The following ZNF587 variants were observed in gnomAD, a reference collection of about 807,000 sequenced individuals.
ZNF587 encodes zinc finger protein zfp6.
A neutral mutation model predicts 7.5 loss-of-function variants in ZNF587; 8 were observed. The observed-to-expected ratio is 1.06, with a 90% confidence interval of 0.62 to 1.92. ZNF587 has a LOEUF of 1.92. Among genes scored for constraint, ZNF587 ranks in the 40% most tolerant of loss-of-function variants. ZNF587 has a pLI of 0.00. For synonymous variants in ZNF587, 145 were observed against 237.8 expected (o/e 0.61, Z 3.59); for missense variants, 468 against 692.8 (o/e 0.68, Z 3.64).
chr19:57,860,991 G>A lies in ZNF587; in HGVS notation c.*851G>A, dbSNP rs2071426303. 1 of 152,086 alleles carries A rather than the reference G, an allele frequency of 6.6e-6. No homozygotes were observed. Among genetic ancestry groups the A allele is most frequent in the South Asian group, 2.1e-4 (1 of 4,832 alleles). 9.4% of individuals were successfully genotyped at this position (152,086 alleles called of 1,614,324 possible). A position where few individuals can be genotyped will look rare whatever the true frequency, so the allele number is the denominator to read the frequency against. Reference sequence around the variant, plus strand: ...TTCTGCCTCAGCCTCCCGAGTAGCAGGGATTACCGGTGTGCACCACCATGC... The same window carrying A: ...TTCTGCCTCAGCCTCCCGAGTAGCAAGGATTACCGGTGTGCACCACCATGC... On this transcript the variant is annotated 3_prime_UTR_variant, in exon 3 of 3. Transcript: ENST00000339656.
chr19:57,859,942 T>C lies in ZNF587; in HGVS notation c.1530T>C (p.His510=). 1.2e-6 allele frequency: 2 copies of C among 1,614,038 alleles called. No homozygotes were observed. The highest frequency in any genetic ancestry group is 1.7e-6 in the Non-Finnish European group (2 of 1,180,002). The part of the protein sequence containing the change: ...SFLSSSALHV[H]KRVHSGQKPY... ...TTTCCAGCTCTGCGCTTCATGTTCATAAAAGAGTTCATTCTGGACAAAAGC... is the reference window on the plus strand; with the variant it reads ...TTTCCAGCTCTGCGCTTCATGTTCACAAAAGAGTTCATTCTGGACAAAAGC... Residue 510 remains histidine (H), a synonymous_variant, in exon 3 of 3, where the codon CAT becomes CAC. Transcript: ENST00000339656.
Position 57,851,490 on chromosome 19 carries a change from C to T in ZNF587, c.33+1419C>T, listed in dbSNP as rs117315219. The T allele has an allele frequency of 3.7e-3, 563 of 152,510 alleles. 23 individuals carry two copies. The East Asian group carries it at 0.091, about 25-fold the overall frequency. The allele number at this position is 152,510 out of a possible 1,614,324, so 9.4% of individuals were successfully genotyped here. A position where few individuals can be genotyped will look rare whatever the true frequency, so the allele number is the denominator to read the frequency against. ...ATTTCTTTCACTGTCATAATTTCGTCAGTTATAATTTTGCAAAGTCGGTTT... is the reference window on the plus strand; with the variant it reads ...ATTTCTTTCACTGTCATAATTTCGTTAGTTATAATTTTGCAAAGTCGGTTT... On this transcript the variant is annotated intron_variant, in intron 1 of 2. Coordinates refer to ENST00000339656, the MANE Select transcript of ZNF587 (RefSeq NM_032828.4).
chr19:57,852,840 C>CTT (rs35543941), intron 1 of ZNF587, among the ~76,000 whole-genome samples: 511 of 25,288 alleles, frequency 0.02, 195 homozygotes, highest in Middle Eastern at 0.077. Context: ...GACAGCTAGG[C>CTT]TTTTTTTTTT....
Position 57,856,205 on chromosome 19 carries a change from A to G in ZNF587, c.135A>G (p.Leu45=), listed in dbSNP as rs1229894360. ...AQRCLYRDVM[L]ENLALISSLG... is the part of the protein sequence containing the mutation. ...GGTGCTTGTACCGTGATGTGATGCT[A>G]GAGAACCTGGCTCTCATATCCTCGC... The change falls in exon 2 of 3, where the codon CTA becomes CTG. Residue 45 remains leucine, a synonymous_variant. Coordinates refer to ENST00000339656, the MANE Select transcript of ZNF587 (RefSeq NM_032828.4). 1.9e-6 allele frequency: 3 copies of G among 1,599,368 alleles called. No individual in the cohort carries two copies. Among genetic ancestry groups the G allele is most frequent in the Non-Finnish European group, 2.6e-6 (3 of 1,170,242 alleles).
At chr19:57,850,489 G>A (rs2071268032) in intron 1 of ZNF587, 3 of 495,558 alleles carry the variant, frequency 6.1e-6, no homozygotes, top group Admixed American at 3.7e-5. Context: ...TTTCTGTTCT[G>A]GGTGGGATGG....
rs1178556952 is a variant in ZNF587, at chr19:57,860,367, C to T, written c.*227C>T. On this transcript the variant is annotated 3_prime_UTR_variant, in exon 3 of 3. Coordinates refer to ENST00000339656, the MANE Select transcript of ZNF587 (RefSeq NM_032828.4). ...CGCTGCAACTTGGGCCTCCTGGGTT[C>T]ATGCAATCCTCCTACCTCAGCCTCC... is the stretch of plus-strand genomic sequence containing the variant. 2.9e-6 allele frequency: 2 copies of T among 699,464 alleles called. No homozygotes were observed. Among genetic ancestry groups the T allele is most frequent in the Non-Finnish European group, 4.7e-6 (2 of 426,794 alleles). 43.3% of individuals were successfully genotyped at this position (699,464 alleles called of 1,614,324 possible).
intron 1 of ZNF587, among the ~76,000 whole-genome samples, chr19:57,852,751 C>A (rs1383389151): frequency 6.7e-6 from 1 of 150,352 alleles, no homozygotes; most frequent in Non-Finnish European, 1.5e-5. Context: ...TGGTCTCGAA[C>A]TCCTGACCTC....
At chr19:57,856,928 C>G (rs562556924) in intron 2 of ZNF587, 1 of 152,092 alleles carries the variant, frequency 6.6e-6, no homozygotes, top group African/African-American at 2.4e-5. Flanking sequence ...CAAGAATTGC[C>G]TTCATTGACA....
intron 1 of ZNF587, among the ~76,000 whole-genome samples, chr19:57,855,051 G>C (rs529433656): frequency 1.3e-5 from 2 of 152,154 alleles, no homozygotes; most frequent in South Asian, 4.1e-4. Context: ...AGCTGTGGTG[G>C]TGGGCACCTG....
At chr19:57,855,946 C>A in intron 1 of ZNF587, 158 bp from the exon 2 acceptor site, 2 of 1,288,900 alleles carry the variant, frequency 1.6e-6, no homozygotes, top group Non-Finnish European at 1.1e-6. Flanking sequence ...GGCATTTGAC[C>A]AGCAGGCCCA....
rs1171858353 is a variant in ZNF587 at position 57,863,311 on chromosome 19, T to A, written c.*3171T>A. The A allele has an allele frequency of 1.3e-5, 2 of 152,222 alleles. No homozygotes were observed. Among genetic ancestry groups the A allele is most frequent in the African/African-American group, 4.8e-5 (2 of 41,412 alleles). 9.4% of individuals were successfully genotyped at this position (152,222 alleles called of 1,614,324 possible). ...TTTTGTATTTTTAGCAGAGACCAGG[T>A]TTCACCATGTTGGTCAGGCTGGTCT... On this transcript the variant is annotated 3_prime_UTR_variant, in exon 3 of 3. Transcript: ENST00000339656.
At chr19:57,856,443 T>C (rs1311432240) in intron 2 of ZNF587, among the ~76,000 whole-genome samples, 1 of 151,260 alleles carries the variant, frequency 6.6e-6, no homozygotes, top group Admixed American at 6.6e-5. Flanking sequence ...TGTCTCGCTC[T>C]GTCACCCAGG....
chr19:57,850,094 C>T, intron 1 of ZNF587, 23 bp downstream of exon 1: 2 of 1,614,248 alleles, frequency 1.2e-6, no homozygotes, highest in East Asian at 2.2e-5. Flanking sequence ...CCTTCTGTGC[C>T]CTCAGGTCAC....
chr19:57,849,868 T>A lies in ZNF587; in HGVS notation c.-171T>A. 6.7e-7 allele frequency: 1 copy of A among 1,489,238 alleles called. No individual in the cohort carries two copies. The highest frequency in any genetic ancestry group is 8.9e-7 in the Non-Finnish European group (1 of 1,118,736). The allele number at this position is 1,489,238 out of a possible 1,614,324, so 92.3% of individuals were successfully genotyped here. On this transcript the variant is annotated 5_prime_UTR_variant, in exon 1 of 3. Transcript: ENST00000339656. Reference sequence around the variant, plus strand: ...GACTTCCGGGGTCTCTAGTAGCGGCTGTGTATCGGCGATGCGGGTGTTTCC... The same window carrying A: ...GACTTCCGGGGTCTCTAGTAGCGGCAGTGTATCGGCGATGCGGGTGTTTCC...
intron 1 of ZNF587, among the ~76,000 whole-genome samples, chr19:57,852,772 C>T (rs570703762): frequency 6.8e-6 from 1 of 147,704 alleles, no homozygotes; most frequent in Non-Finnish European, 1.5e-5. Flanking sequence ...AAGTGATCGT[C>T]ACATCTCGGC....
chr19:57,860,028 G>A lies in ZNF587; in HGVS notation c.1616G>A (p.Arg539Lys). The A allele has an allele frequency of 6.2e-7, 1 of 1,611,598 alleles. No individual in the cohort carries two copies. Among genetic ancestry groups the A allele is most frequent in the East Asian group, 2.2e-5 (1 of 44,718 alleles). ...FSECSSLIKH[R>K]RIHTGERPYE... ...GAATGTTCCAGTCTCATTAAACACA[G>A]GAGAATTCACACTGGAGAAAGGCCT... Residue 539 changes from arginine to lysine, a missense_variant, in exon 3 of 3, where the codon AGG becomes AAG. Physicochemically the swap from Arg to Lys is conservative, Grantham distance 26. Coordinates refer to ENST00000339656, the MANE Select transcript of ZNF587 (RefSeq NM_032828.4).
chr19:57,857,960 A>G (rs996755269), intron 2 of ZNF587, among the ~76,000 whole-genome samples: 8 of 150,792 alleles, frequency 5.3e-5, no homozygotes, highest in African/African-American at 1.7e-4. Flanking sequence ...TAGCACTCAC[A>G]TGTCATCAGG....
Position 57,860,018 on chromosome 19 carries a change from A to T in ZNF587, c.1606A>T (p.Ile536Phe). The change falls in exon 3 of 3, where the codon ATT becomes TTT. Residue 536 changes from isoleucine to phenylalanine, a missense_variant. By Grantham distance (21) the Ile-to-Phe change is conservative. This residue lies in a region of ZNF587 where 310 missense variants were observed against 325.6 expected (regional missense o/e 0.95). Transcript: ENST00000339656. ...GKSFSECSSLIKHRRIHTGER... is the reference protein window; with the variant it reads ...GKSFSECSSLFKHRRIHTGER... ...ATCCTTTTCTGAATGTTCCAGTCTC[A>T]TTAAACACAGGAGAATTCACACTGG... 6.2e-7 allele frequency: 1 copy of T among 1,614,116 alleles called. No individual in the cohort carries two copies. The highest frequency in any genetic ancestry group is 1.7e-5 in the Admixed American group (1 of 60,016).
At position 57,862,531 on chromosome 19, in the gene ZNF587, A is replaced by AT. The variant is rs1447706221; in HGVS notation, c.*2393dup. On this transcript the variant is annotated 3_prime_UTR_variant, in exon 3 of 3. Coordinates refer to ENST00000339656, the MANE Select transcript of ZNF587 (RefSeq NM_032828.4). Reference sequence around the variant, plus strand: ...CTCCAGTCCCTGTGCAGAAACTGTCATTGCACTTTCTGCTGAAATGGCAGT... The same window carrying AT: ...CTCCAGTCCCTGTGCAGAAACTGTCATTTGCACTTTCTGCTGAAATGGCAGT... The AT allele has an allele frequency of 6.5e-6, 1 of 154,692 alleles. No individual in the cohort carries two copies. The highest frequency in any genetic ancestry group is 1.5e-5 in the Non-Finnish European group (1 of 68,226). The allele number at this position is 154,692 out of a possible 1,614,324, so 9.6% of individuals were successfully genotyped here.
Sources: gnomAD v4.1 joint callset for allele counts (sites outside exome capture counted in the v4.1 genomes callset) on GRCh38, gnomAD v4.1.1 for gene constraint, gnomAD v4.1.1 regional missense constraint, MANE v1.5 for transcripts, NCBI Gene and HGNC (gene_info 2026-07-23, HGNC 2026-07-21) for gene names.